GPC5: variants seen among roughly 807,000 people sequenced by gnomAD.
GPC5 encodes glypican 5.
GPC5 carries 47 observed loss-of-function variants against 53.9 expected under a neutral mutation model. The ratio of observed to expected loss-of-function variants is 0.87; its 90% CI spans 0.69 to 1.11. The LOEUF (loss-of-function observed/expected upper bound fraction) is 1.11. Ranked by LOEUF, GPC5 falls within the 50% of genes most tolerant of loss-of-function variation. GPC5 has a pLI of 0.00. For missense variants in GPC5, 748 were observed against 713.1 expected (o/e 1.05, Z -0.56); for synonymous variants, 286 against 263.3 (o/e 1.09, Z -0.84).
chr13:91,779,812 C>T (rs1431409317), intron 5 of GPC5, among the ~76,000 whole-genome samples: 2 of 152,116 alleles, frequency 1.3e-5, no homozygotes, highest in Non-Finnish European at 2.9e-5. Flanking sequence ...ATGCAAGACT[C>T]TGTCATCTCC....
Position 91,880,721 on chromosome 13 carries a change from A to G in GPC5, c.1281-27216A>G, listed in dbSNP as rs542026125. ...ATTCTCCACTTCCTTAAGTTGGGGA[A>G]AAAGTGATTCTTCCAGGCTATAGTC... On this transcript the variant is annotated intron_variant, in intron 5 of 7. Coordinates refer to ENST00000377067, the MANE Select transcript of GPC5 (RefSeq NM_004466.6). 4.6e-5 allele frequency among the ~76,000 whole-genome samples: 7 copies of G among 152,278 alleles called. No homozygotes were observed. In the East Asian group the frequency reaches 1.3e-3, roughly 29 times the overall value.
At chr13:91,576,110 A>G (rs1277270749) in intron 2 of GPC5, among the ~76,000 whole-genome samples, 1 of 152,128 alleles carries the variant, frequency 6.6e-6, no homozygotes, top group Non-Finnish European at 1.5e-5. Context: ...GGATGGGAAC[A>G]TTGGGCAGAC....
At chr13:91,940,657 T>C (rs966148722) in intron 6 of GPC5, among the ~76,000 whole-genome samples, 2 of 152,110 alleles carry the variant, frequency 1.3e-5, no homozygotes, top group African/African-American at 4.8e-5. Context: ...CCAGAATCTG[T>C]TGTTATTTGA....
chr13:92,396,637 C>T (rs1396481125), intron 7 of GPC5, among the ~76,000 whole-genome samples: 1 of 152,124 alleles, frequency 6.6e-6, no homozygotes, highest in Non-Finnish European at 1.5e-5. Context: ...ATCACTTAGG[C>T]GTTAAGCCCC....
intron 7 of GPC5, among the ~76,000 whole-genome samples, chr13:92,791,200 A>G (rs1001554753): frequency 6.6e-6 from 1 of 152,096 alleles, no homozygotes; most frequent in Admixed American, 6.6e-5. Flanking sequence ...TCCAAGTCAC[A>G]GATTCCTGCT....
chr13:92,506,693 G>A (rs901249288), intron 7 of GPC5, among the ~76,000 whole-genome samples: 2 of 152,090 alleles, frequency 1.3e-5, no homozygotes, highest in Admixed American at 6.5e-5. Context: ...TGAGGAGAAC[G>A]TAGGAAGCTC....
At chr13:91,863,298 G>C (rs1025514866) in intron 5 of GPC5, among the ~76,000 whole-genome samples, 1 of 151,696 alleles carries the variant, frequency 6.6e-6, no homozygotes, top group African/African-American at 2.4e-5. Context: ...GTAAATACTT[G>C]GCTTCTATCC....
At chr13:92,791,424 T>TGGGGGGGGGGGGGG (rs60469699) in intron 7 of GPC5, among the ~76,000 whole-genome samples, 1 of 66,364 alleles carries the variant, frequency 1.5e-5, no homozygotes, top group African/African-American at 5.0e-5. Flanking sequence ...TGTGAGTGTG[T>TGGGGGGGGGGGGGG]GGGGGGGGGC....
chr13:92,225,097 A>G (rs2042475728), intron 7 of GPC5, among the ~76,000 whole-genome samples: 1 of 152,078 alleles, frequency 6.6e-6, no homozygotes, highest in African/African-American at 2.4e-5. Context: ...CCCATAGCCT[A>G]TTGAGTAACT....
chr13:91,743,972 A>T (rs1332095), intron 4 of GPC5, among the ~76,000 whole-genome samples: 13,048 of 152,176 alleles, frequency 0.086, 822 homozygotes, highest in East Asian at 0.31. Context: ...GAAGTCAAGG[A>T]GTCTGAGGCT....
chr13:91,591,015 C>T (rs1284042747), intron 2 of GPC5, among the ~76,000 whole-genome samples: 3 of 152,100 alleles, frequency 2.0e-5, no homozygotes, highest in Non-Finnish European at 4.4e-5. Flanking sequence ...AATAATATTA[C>T]CTCACAAGGT....
chr13:92,181,109 A>G (rs1046449887), intron 7 of GPC5, among the ~76,000 whole-genome samples: 1 of 152,052 alleles, frequency 6.6e-6, no homozygotes, highest in Admixed American at 6.6e-5. Context: ...CTTTCCTGAT[A>G]GTCCACAATA....
intron 6 of GPC5, among the ~76,000 whole-genome samples, chr13:91,991,886 G>C: frequency 6.6e-6 from 1 of 152,090 alleles, no homozygotes; most frequent in South Asian, 2.1e-4. Flanking sequence ...TTAGTGTGTG[G>C]TTAGGAAATA....
chr13:92,734,851 A>C (rs1305550921), intron 7 of GPC5, among the ~76,000 whole-genome samples: 2 of 151,878 alleles, frequency 1.3e-5, no homozygotes, highest in Non-Finnish European at 2.9e-5. Flanking sequence ...AGTCTTCCTA[A>C]AAGCATTCAC....
intron 7 of GPC5, among the ~76,000 whole-genome samples, chr13:92,317,772 A>G (rs1255445743): frequency 6.6e-6 from 1 of 152,144 alleles, no homozygotes; most frequent in Non-Finnish European, 1.5e-5. Context: ...TAGTGCTGGG[A>G]TTACAGGCAT....
chr13:91,964,550 C>G (rs1322993905), intron 6 of GPC5, among the ~76,000 whole-genome samples: 1 of 152,068 alleles, frequency 6.6e-6, no homozygotes, highest in Non-Finnish European at 1.5e-5. Flanking sequence ...CTCCAAGTCC[C>G]CTACCCGATT....
chr13:92,809,338 AC>A (rs1452837363), intron 7 of GPC5, among the ~76,000 whole-genome samples: 1 of 152,214 alleles, frequency 6.6e-6, no homozygotes, highest in African/African-American at 2.4e-5. Flanking sequence ...GTTCAAACAT[AC>A]TGCAATCGCT....
chr13:92,550,161 A>G (rs1463051581), intron 7 of GPC5, among the ~76,000 whole-genome samples: 2 of 151,748 alleles, frequency 1.3e-5, no homozygotes, highest in East Asian at 1.9e-4. Flanking sequence ...TATTACTTAG[A>G]TGTATATTTA....
At chr13:92,865,551 G>T (rs1045685999) in intron 7 of GPC5, among the ~76,000 whole-genome samples, 1 of 152,084 alleles carries the variant, frequency 6.6e-6, no homozygotes, top group Non-Finnish European at 1.5e-5. Flanking sequence ...AGTTTAGTTA[G>T]ACAGGAGGAA....
Sources: allele counts gnomAD v4.1 joint callset (sites outside exome capture counted in the v4.1 genomes callset), GRCh38; gene constraint gnomAD v4.1.1; transcripts MANE v1.5; gene names NCBI Gene and HGNC (gene_info 2026-07-23, HGNC 2026-07-21).